The following GABRG3 variants were observed in gnomAD, a reference collection of about 807,000 sequenced individuals.
The protein encoded by GABRG3 is gamma-aminobutyric acid type A receptor subunit gamma3.
In GABRG3, 25 loss-of-function variants were observed where a neutral mutation model predicts 48.8. The ratio of observed to expected loss-of-function variants is 0.51; its 90% CI spans 0.37 to 0.72. The LOEUF is 0.72. Ranked by LOEUF, GABRG3 falls within the 30% of genes least tolerant of loss-of-function variation. The probability of loss-of-function intolerance (pLI) is 0.00; values close to 1 mark genes in which losing one functional copy is unlikely to be tolerated. For synonymous variants in GABRG3, 227 were observed against 217.6 expected (o/e 1.04, Z -0.38); for missense variants, 394 against 577.9 (o/e 0.68, Z 3.26).
chr15:27,230,690 C>T (rs771133716), intron 3 of GABRG3, among the ~76,000 whole-genome samples: 6 of 152,108 alleles, frequency 3.9e-5, no homozygotes, highest in Non-Finnish European at 8.8e-5. Flanking sequence ...ATAATTACCC[C>T]ACCCTCTTTG....
intron 6 of GABRG3, among the ~76,000 whole-genome samples, chr15:27,517,404 T>C (rs1178804326): frequency 1.3e-5 from 2 of 152,204 alleles, no homozygotes; most frequent in African/African-American, 4.8e-5. Context: ...AGAGCCTCAG[T>C]AGGATGACCA....
chr15:27,376,867 G>T (rs1350263178), intron 5 of GABRG3, among the ~76,000 whole-genome samples: 1 of 152,132 alleles, frequency 6.6e-6, no homozygotes, highest in African/African-American at 2.4e-5. Context: ...GCAAATTTCT[G>T]CCACTGGGTT....
rs1163363638 is a variant in GABRG3 at position 27,536,742 on chromosome 15, A to G, written c.*3861A>G. 1.3e-5 allele frequency: 2 copies of G among 152,172 alleles called. No individual in the cohort carries two copies. The highest frequency in any genetic ancestry group is 3.9e-4 in the East Asian group (2 of 5,182). The allele number at this position is 152,172 out of a possible 1,614,324, so 9.4% of individuals were successfully genotyped here. On this transcript the variant is annotated 3_prime_UTR_variant, in exon 10 of 10. Coordinates refer to ENST00000615808, the MANE Select transcript of GABRG3 (RefSeq NM_033223.5). ...AGCTTGCTGCAGTAAGTTTGCAGGC[A>G]TGTTGCTTCGTTGTTCTGCAATATA... is the stretch of plus-strand genomic sequence containing the variant.
At chr15:27,029,314 G>A (rs1336238988) in intron 3 of GABRG3, among the ~76,000 whole-genome samples, 2 of 152,170 alleles carry the variant, frequency 1.3e-5, no homozygotes, top group African/African-American at 2.4e-5. Context: ...CGCAGTCAGC[G>A]CTCAGCAGGG....
intron 3 of GABRG3, among the ~76,000 whole-genome samples, chr15:27,191,798 T>C (rs1888317945): frequency 6.6e-6 from 1 of 152,154 alleles, no homozygotes; most frequent in African/African-American, 2.4e-5. Context: ...TGCTCGCTAG[T>C]TGATGCAGTT....
chr15:26,977,095 T>A lies in GABRG3; in HGVS notation c.147T>A (p.Leu49=). Residue 49 remains leucine, a synonymous_variant, in exon 2 of 10, where the codon CTT becomes CTA. Transcript: ENST00000615808. ...APKSQDTDVT[L]ILNKLLREYD... ...AATCCCAAGACACCGACGTGACTCT[T>A]ATTCTCAACAAGTTGCTAAGAGAAT... The A allele has an allele frequency of 6.2e-7, 1 of 1,614,036 alleles. No homozygotes were observed. Among genetic ancestry groups the A allele is most frequent in the Non-Finnish European group, 8.5e-7 (1 of 1,179,892 alleles).
chr15:27,115,994 T>C (rs1245468929), intron 3 of GABRG3, among the ~76,000 whole-genome samples: 2 of 152,108 alleles, frequency 1.3e-5, no homozygotes, highest in African/African-American at 4.8e-5. Flanking sequence ...AAAGTGAGAA[T>C]TTATATGCAA....
At chr15:27,519,793 G>T (rs947402453) in intron 6 of GABRG3, among the ~76,000 whole-genome samples, 179 bp from the exon 7 acceptor site, 1 of 152,148 alleles carries the variant, frequency 6.6e-6, no homozygotes, top group Non-Finnish European at 1.5e-5. Context: ...TACAGCCATG[G>T]TTACTATGAA....
chr15:27,077,374 A>G lies in GABRG3; in HGVS notation c.270+50553A>G, dbSNP rs1420516041. ...GCACCCAGGGTTTGTGGAGCCACAC[A>G]CCGGCTTGTTAGGATCCTTCCAGCC... is the stretch of plus-strand genomic sequence containing the variant. On this transcript the variant is annotated intron_variant, in intron 3 of 9. Transcript: ENST00000615808. Among the ~76,000 whole-genome samples, 3 of 152,190 alleles carry G rather than the reference A, an allele frequency of 2.0e-5. No homozygotes were observed. The East Asian group carries it at 5.8e-4, about 29-fold the overall frequency.
chr15:27,013,038 T>G (rs554622590), intron 2 of GABRG3, among the ~76,000 whole-genome samples: 28 of 152,282 alleles, frequency 1.8e-4, no homozygotes, highest in African/African-American at 6.5e-4. Flanking sequence ...TGAAAGAAAT[T>G]TGAAATAATT....
At chr15:27,264,600 A>T (rs988531199) in intron 3 of GABRG3, among the ~76,000 whole-genome samples, 7 of 134,232 alleles carry the variant, frequency 5.2e-5, no homozygotes, top group African/African-American at 1.7e-4. Context: ...TTTATAAAAA[A>T]CCCTCAAACC....
intron 5 of GABRG3, among the ~76,000 whole-genome samples, chr15:27,432,582 T>C (rs1888488809): frequency 5.3e-5 from 8 of 152,164 alleles, no homozygotes; most frequent in Admixed American, 5.2e-4. Flanking sequence ...TTTTGATGTT[T>C]AGAAGGTACA....
intron 2 of GABRG3, among the ~76,000 whole-genome samples, chr15:27,022,547 C>T (rs766011041): frequency 2.0e-4 from 31 of 152,150 alleles, no homozygotes; most frequent in Non-Finnish European, 3.8e-4. Flanking sequence ...TGTCAAGTCC[C>T]AAAGGAATTG....
intron 3 of GABRG3, among the ~76,000 whole-genome samples, chr15:27,124,571 T>C (rs976440245): frequency 6.6e-6 from 1 of 152,248 alleles, no homozygotes; most frequent in Non-Finnish European, 1.5e-5. Flanking sequence ...GGGTCATTGC[T>C]GAAGTCCTGT....
At chr15:27,039,022 C>A (rs975915655) in intron 3 of GABRG3, among the ~76,000 whole-genome samples, 15 of 152,108 alleles carry the variant, frequency 9.9e-5, no homozygotes, top group African/African-American at 2.4e-5. Context: ...AAAAAGACTC[C>A]AGTGAAGAGC....
chr15:27,244,349 G>A (rs550795981), intron 3 of GABRG3, among the ~76,000 whole-genome samples: 1 of 152,284 alleles, frequency 6.6e-6, no homozygotes, highest in South Asian at 2.1e-4. Context: ...CTGCAAAGAA[G>A]GGGTAAAAAG....
intron 6 of GABRG3, among the ~76,000 whole-genome samples, chr15:27,512,824 C>CT (rs1890927119): frequency 6.6e-6 from 1 of 152,138 alleles, no homozygotes; most frequent in African/African-American, 2.4e-5. Context: ...GAGTTGACCC[C>CT]TGCAGGCACT....
At position 27,327,622 on chromosome 15, in the gene GABRG3, G is replaced by A. The variant is rs551260623; in HGVS notation, c.491+593G>A. Among the ~76,000 whole-genome samples the A allele has an allele frequency of 7.2e-5, 11 of 152,270 alleles. 1 individual carries two copies. Among genetic ancestry groups the A allele is most frequent in the Middle Eastern group, 3.4e-3 (1 of 294 alleles). On this transcript the variant is annotated intron_variant, in intron 4 of 9. Transcript: ENST00000615808. ...ACAGCAACACAGCACTAGCAATGAC[G>A]GGCCCTCTGCACTCCTGTCTGCTCG...
chr15:27,298,114 A>C (rs184364762), intron 3 of GABRG3, among the ~76,000 whole-genome samples: 31 of 152,288 alleles, frequency 2.0e-4, no homozygotes, highest in Non-Finnish European at 1.3e-4. Context: ...TGTATATTGA[A>C]CCCTATGAAT....
Sources: gnomAD v4.1 joint callset for allele counts (sites outside exome capture counted in the v4.1 genomes callset) on GRCh38, gnomAD v4.1.1 for gene constraint, MANE v1.5 for transcripts, NCBI Gene and HGNC (gene_info 2026-07-23, HGNC 2026-07-21) for gene names.